Variants in MTX2 observed in about 807,000 individuals in gnomAD.
MTX2 encodes the protein metaxin-2.
MTX2 carries 35 observed loss-of-function variants against 42.3 expected under a neutral mutation model. The observed-to-expected ratio is 0.83, with a 90% confidence interval of 0.63 to 1.10. The LOEUF is 1.10. Among genes scored for constraint, MTX2 ranks in the 50% least tolerant of loss-of-function variants. MTX2 has a pLI of 0.00. For synonymous variants in MTX2, 119 were observed against 100.9 expected (o/e 1.18, Z -1.08); for missense variants, 307 against 304.1 (o/e 1.01, Z -0.07).
intron 3 of MTX2, among the ~76,000 whole-genome samples, chr2:176,310,865 G>A (rs1274818822): frequency 5.3e-5 from 8 of 152,126 alleles, no homozygotes; most frequent in Non-Finnish European, 1.5e-5. Flanking sequence ...TCTTGCAGTA[G>A]TTTGTTATTA....
intron 1 of MTX2, among the ~76,000 whole-genome samples, chr2:176,285,400 T>A (rs1693173672): frequency 6.6e-6 from 1 of 151,540 alleles, no homozygotes; most frequent in Non-Finnish European, 1.5e-5. Context: ...TACATAATTG[T>A]GTGACTATTG....
At chr2:176,283,947 A>C (rs936291814) in intron 1 of MTX2, among the ~76,000 whole-genome samples, 6 of 151,932 alleles carry the variant, frequency 3.9e-5, no homozygotes. Flanking sequence ...AGAAAAACTC[A>C]TAGTATCAGT....
In MTX2 at chr2:176,269,450, C is replaced by G; in HGVS notation, c.-180C>G. The G allele has an allele frequency of 1.6e-6, 1 of 637,062 alleles. No homozygotes were observed. 39.5% of individuals were successfully genotyped at this position (637,062 alleles called of 1,614,324 possible). A position where few individuals can be genotyped will look rare whatever the true frequency, so the allele number is the denominator to read the frequency against. On this transcript the variant is annotated 5_prime_UTR_variant, in exon 1 of 10. Coordinates refer to ENST00000249442, the MANE Select transcript of MTX2 (RefSeq NM_006554.5). Reference sequence around the variant, plus strand: ...TGTCGGCTGCGCCGGAAGTCCCTAGCCAGGCCTGGCGGTAACCTTGGGGGC... The same window carrying G: ...TGTCGGCTGCGCCGGAAGTCCCTAGGCAGGCCTGGCGGTAACCTTGGGGGC...
At chr2:176,284,268 A>G (rs922285869) in intron 1 of MTX2, among the ~76,000 whole-genome samples, 2 of 152,116 alleles carry the variant, frequency 1.3e-5, no homozygotes, top group Non-Finnish European at 2.9e-5. Flanking sequence ...TTTATAATGG[A>G]TCAAAGTCTA....
chr2:176,306,421 ACCC>A (rs1300280297), intron 3 of MTX2, among the ~76,000 whole-genome samples: 5 of 152,160 alleles, frequency 3.3e-5, no homozygotes, highest in African/African-American at 1.2e-4. Flanking sequence ...TTGGGTATAT[ACCC>A]AGTAATGGGA....
chr2:176,280,751 G>A (rs1260440386), intron 1 of MTX2, among the ~76,000 whole-genome samples: 2 of 152,192 alleles, frequency 1.3e-5, no homozygotes, highest in African/African-American at 2.4e-5. Context: ...CAAACCGCAC[G>A]TAGCAGTATA....
chr2:176,321,215 G>A (rs1200951892), intron 3 of MTX2, among the ~76,000 whole-genome samples: 1 of 152,078 alleles, frequency 6.6e-6, no homozygotes, highest in African/African-American at 2.4e-5. Context: ...TGCAAGCCAT[G>A]CTTTGACATG....
chr2:176,317,052 C>G (rs2885207), intron 3 of MTX2, among the ~76,000 whole-genome samples: 36 of 147,216 alleles, frequency 2.4e-4, no homozygotes, highest in Middle Eastern at 3.2e-3. Flanking sequence ...AAAAAAAAAA[C>G]AAAAACTTTT....
intron 1 of MTX2, among the ~76,000 whole-genome samples, chr2:176,285,534 C>T (rs1693178770): frequency 6.6e-6 from 1 of 151,800 alleles, no homozygotes; most frequent in South Asian, 2.1e-4. Context: ...CTCCTCATTC[C>T]CACCACCAGC....
At chr2:176,336,781 T>C (rs1002430867) in intron 9 of MTX2, among the ~76,000 whole-genome samples, 2 of 152,168 alleles carry the variant, frequency 1.3e-5, no homozygotes, top group African/African-American at 2.4e-5. Context: ...AGAAAAGTTA[T>C]ATCAAGTTGT....
Position 176,326,842 on chromosome 2 carries a change from C to T in MTX2, c.226C>T (p.His76Tyr), listed in dbSNP as rs766870906. The change falls in exon 5 of 10, where the codon CAT becomes TAT. Residue 76 changes from histidine (H) to tyrosine (Y), a missense_variant. Coordinates refer to ENST00000249442, the MANE Select transcript of MTX2 (RefSeq NM_006554.5). ...CTCAACAGGTAAAGTACCTTTTATT[C>T]ATGTGGGAAATCAAGTAGTATCAGA... The part of the protein sequence containing the change: ...MSPSGKVPFI[H>Y]VGNQVVSELG... The T allele has an allele frequency of 1.3e-6, 2 of 1,568,928 alleles. No individual in the cohort carries two copies. Among genetic ancestry groups the T allele is most frequent in the Non-Finnish European group, 1.7e-6 (2 of 1,154,676 alleles).
intron 3 of MTX2, among the ~76,000 whole-genome samples, chr2:176,314,845 AG>A (rs1684399638): frequency 6.6e-6 from 1 of 152,124 alleles, no homozygotes; most frequent in South Asian, 2.1e-4. Context: ...TTGACTTTTC[AG>A]TTTTTAAACT....
intron 1 of MTX2, among the ~76,000 whole-genome samples, chr2:176,291,380 T>C (rs951805530): frequency 1.3e-5 from 2 of 152,214 alleles, no homozygotes; most frequent in Non-Finnish European, 2.9e-5. Context: ...CAGATGTTTA[T>C]TCAGCAACAT....
rs371896735 is a variant in MTX2 at position 176,309,685 on chromosome 2, G to T, written c.135+11790G>T. Among the ~76,000 whole-genome samples the T allele has an allele frequency of 1.4e-3, 205 of 144,086 alleles. 4 individuals carry two copies. In the South Asian group the frequency reaches 0.044, roughly 31 times the overall value. 94.5% of individuals were successfully genotyped at this position (144,086 alleles called of 152,430 possible). On this transcript the variant is annotated intron_variant, in intron 3 of 9. Coordinates refer to ENST00000249442, the MANE Select transcript of MTX2 (RefSeq NM_006554.5). The stretch of plus-strand genomic sequence containing the variant: ...CTCTTTTGATCTTTGTTGGTTTAAA[G>T]TCTGTTTTATCAGAGACCAGGATTG...
intron 1 of MTX2, among the ~76,000 whole-genome samples, chr2:176,277,116 G>C (rs944724455): frequency 1.3e-5 from 2 of 152,152 alleles, no homozygotes; most frequent in Admixed American, 6.5e-5. Context: ...TTGAAAGTGT[G>C]ATTAAAACAG....
chr2:176,292,874 T>C lies in MTX2; in HGVS notation c.41-3986T>C, dbSNP rs145372408. Among the ~76,000 whole-genome samples the C allele has an allele frequency of 4.5e-3, 680 of 152,360 alleles. 2 individuals are homozygous for C. The highest frequency in any genetic ancestry group is 7.5e-3 in the Non-Finnish European group (510 of 68,026). On this transcript the variant is annotated intron_variant, in intron 1 of 9. Coordinates refer to ENST00000249442, the MANE Select transcript of MTX2 (RefSeq NM_006554.5). ...GTTATACAAGTTAATTGGGTTCTTA[T>C]TGAAATTTTACTTTGTTAAAAGTTG...
At position 176,326,426 on chromosome 2, in the gene MTX2, A is replaced by AAAG. The variant is rs1268062038; in HGVS notation, c.209-399_209-398insAAG. Among the ~76,000 whole-genome samples, 4 of 151,692 alleles carry AAAG rather than the reference A, an allele frequency of 2.6e-5. No individual in the cohort carries two copies. In the East Asian group the frequency reaches 7.7e-4, roughly 29 times the overall value. On this transcript the variant is annotated intron_variant, in intron 4 of 9. Transcript: ENST00000249442. ...TGTAGTTTACAATATAGATTGATTC[A>AAAG]CTGTACTCTGAAAAGAAAGCTTACA... is the stretch of plus-strand genomic sequence containing the variant.
At chr2:176,296,185 A>G (rs2105412696) in intron 1 of MTX2, among the ~76,000 whole-genome samples, 2 of 152,280 alleles carry the variant, frequency 1.3e-5, no homozygotes, top group East Asian at 3.9e-4. Flanking sequence ...GTTTCATTTC[A>G]GGCCTAAAAT....
intron 9 of MTX2, among the ~76,000 whole-genome samples, chr2:176,336,705 G>A (rs971100292): frequency 3.3e-5 from 5 of 152,142 alleles, no homozygotes; most frequent in Middle Eastern, 6.8e-3. Flanking sequence ...CCTAAATGTT[G>A]TTACTAAAGA....
Sources: gnomAD v4.1 joint callset for allele counts (sites outside exome capture counted in the v4.1 genomes callset) on GRCh38, gnomAD v4.1.1 for gene constraint, MANE v1.5 for transcripts, NCBI Gene and HGNC (gene_info 2026-07-23, HGNC 2026-07-21) for gene names.